SRP68: variants seen among roughly 807,000 people sequenced by gnomAD.
SRP68 encodes the protein signal recognition particle 68.
A neutral mutation model predicts 82.2 loss-of-function variants in SRP68; 15 were observed. The observed-to-expected ratio is 0.18, with a 90% CI of 0.12 to 0.28. The LOEUF (loss-of-function observed/expected upper bound fraction) is 0.28, where lower values mean the gene tolerates loss of function less well. SRP68 is among the 10% of genes least tolerant of loss of function. The pLI, the probability that SRP68 is intolerant of heterozygous loss-of-function variation, is 1.00. For missense variants in SRP68, 595 were observed against 780.5 expected, an observed-to-expected ratio of 0.76 and a Z score of 2.83; for synonymous variants, 261 against 292.6, an observed-to-expected ratio of 0.89 and a Z score of 1.10.
At position 76,040,480 on chromosome 17, in the gene SRP68, A is replaced by T; in HGVS notation, c.1601-6T>A. 1 of 1,613,578 alleles carries T rather than the reference A, an allele frequency of 6.2e-7. No individual in the cohort carries two copies. Among genetic ancestry groups the T allele is most frequent in the Non-Finnish European group, 8.5e-7 (1 of 1,179,564 alleles). On this transcript the variant is annotated splice_region_variant and splice_polypyrimidine_tract_variant and intron_variant, in intron 14 of 15. Coordinates refer to ENST00000307877, the MANE Select transcript of SRP68 (RefSeq NM_014230.4). ...TTGATGAGCGTCGTTTGCATCTGAA[A>T]GTTTCACAGGGATTCAGTAAGAACA...
In SRP68 at chr17:76,063,689, A is replaced by C. The variant is rs200857452; in HGVS notation, c.561+287T>G. On this transcript the variant is annotated intron_variant, in intron 4 of 15. Coordinates refer to ENST00000307877, the MANE Select transcript of SRP68 (RefSeq NM_014230.4). Reference sequence around the variant, plus strand: ...GGCGACAAAGCAAGACTCTGTCTGAAAAAAAAAAAAAAAAAAGTTACAGCT... The same window carrying C: ...GGCGACAAAGCAAGACTCTGTCTGACAAAAAAAAAAAAAAAAGTTACAGCT... Among the ~76,000 whole-genome samples the C allele has an allele frequency of 8.0e-3, 1,169 of 145,928 alleles. 19 individuals are homozygous for C. The highest frequency in any genetic ancestry group is 0.025 in the African/African-American group (994 of 39,876).
At chr17:76,047,032 C>T (rs938846529) in intron 10 of SRP68, among the ~76,000 whole-genome samples, 1 of 152,038 alleles carries the variant, frequency 6.6e-6, no homozygotes. Flanking sequence ...CACCTGAGCC[C>T]GGGAGGCAAA....
At chr17:76,068,078 T>A (rs948986251) in intron 2 of SRP68, among the ~76,000 whole-genome samples, 1 of 151,730 alleles carries the variant, frequency 6.6e-6, no homozygotes, top group Non-Finnish European at 1.5e-5. Flanking sequence ...GATCACTTGA[T>A]GTCAAGAGTT....
At chr17:76,059,921 C>T (rs1349617495) in intron 7 of SRP68, among the ~76,000 whole-genome samples, 33 of 150,844 alleles carry the variant, frequency 2.2e-4, no homozygotes, top group Non-Finnish European at 2.4e-4. Flanking sequence ...GTCAGGAGAT[C>T]GAGACCATCC....
chr17:76,069,162 C>T (rs1201587286), intron 2 of SRP68, among the ~76,000 whole-genome samples: 4 of 150,560 alleles, frequency 2.7e-5, no homozygotes, highest in South Asian at 2.1e-4. Flanking sequence ...CTGAGGCAGG[C>T]AGATCACTTG....
intron 4 of SRP68, 87 bp downstream of exon 4, chr17:76,063,889 C>A (rs532148871): frequency 8.1e-7 from 1 of 1,229,782 alleles, no homozygotes; most frequent in Non-Finnish European, 1.1e-6. Flanking sequence ...CACTTTCTAA[C>A]ACTAAGAAAC....
Position 76,048,123 on chromosome 17 carries a change from C to A in SRP68, c.1078-153G>T, listed in dbSNP as rs562381529. On this transcript the variant is annotated intron_variant, in intron 9 of 15. Transcript: ENST00000307877. Reference sequence around the variant, plus strand: ...TCAAATATCAAAGATCTATACTTGACATAATCTAGAATGACAGTGGCACTC... The same window carrying A: ...TCAAATATCAAAGATCTATACTTGAAATAATCTAGAATGACAGTGGCACTC... 2.7e-4 allele frequency: 100 copies of A among 375,082 alleles called. No homozygotes were observed. The highest frequency in any genetic ancestry group is 1.9e-3 in the African/African-American group (90 of 47,354). 23.2% of individuals were successfully genotyped at this position (375,082 alleles called of 1,614,324 possible). A position where few individuals can be genotyped will look rare whatever the true frequency, so the allele number is the denominator to read the frequency against.
chr17:76,042,231 T>C (rs2066596503), intron 13 of SRP68, among the ~76,000 whole-genome samples: 1 of 152,002 alleles, frequency 6.6e-6, no homozygotes, highest in Non-Finnish European at 1.5e-5. Context: ...ATACATGGAT[T>C]CCTTAGACCA....
intron 3 of SRP68, among the ~76,000 whole-genome samples, chr17:76,066,298 A>G (rs2066805655): frequency 6.6e-6 from 1 of 152,040 alleles, no homozygotes; most frequent in South Asian, 2.1e-4. Flanking sequence ...CTAAAAATAC[A>G]AAACTCAGCT....
chr17:76,063,985 T>C lies in SRP68; in HGVS notation c.552A>G (p.Leu184=). Residue 184 remains leucine, a synonymous_variant, in exon 4 of 16, where the codon TTA becomes TTG. Transcript: ENST00000307877. ...ATGTTGAGGTACTAACCTGAGCCTC[T>C]AATTTGGTCTTGGCATCCACGCGAT... ...ESNRVDAKTK[L]EAQAYTAYLS... is the part of the protein sequence containing the mutation. 1 of 1,613,676 alleles carries C rather than the reference T, an allele frequency of 6.2e-7. No individual in the cohort carries two copies. Among genetic ancestry groups the C allele is most frequent in the Non-Finnish European group, 8.5e-7 (1 of 1,179,654 alleles).
chr17:76,062,902 C>T (rs549849297), intron 4 of SRP68, among the ~76,000 whole-genome samples: 41 of 147,674 alleles, frequency 2.8e-4, no homozygotes, highest in Admixed American at 7.8e-4. Context: ...TCCTGAGTAG[C>T]TGGGACTACA....
chr17:76,061,504 A>G lies in SRP68; in HGVS notation c.632T>C (p.Phe211Ser), dbSNP rs748504706. ...CTATAGGACTTACTTGCATTTGTTA[A>G]AAGCCTCAATGGCAGCTTTCCATTC... ...HQEWKAAIEA[F>S]NKCKTIYEKL... Residue 211 changes from phenylalanine (F) to serine (S), a missense_variant, in exon 5 of 16, where the codon TTT (phenylalanine) becomes TCT (serine). By Grantham distance (155) the Phe-to-Ser change is radical (BLOSUM62 -2). This residue lies in a region of SRP68 where 495 missense variants were observed against 688.6 expected (regional missense o/e 0.72). Transcript: ENST00000307877. The G allele has an allele frequency of 2.5e-6, 4 of 1,613,730 alleles. No homozygotes were observed.
Position 76,043,832 on chromosome 17 carries a change from T to C in SRP68, c.1521A>G (p.Leu507=). The change falls in exon 13 of 16, where the codon CTA becomes CTG. Residue 507 remains leucine, a synonymous_variant. Transcript: ENST00000307877. ...NSDAGAFKNS[L]KDLPDVQELI... Reference sequence around the variant, plus strand: ...CAAGGAGAGGCCAACCTCTCACCTTTAGGCTGTTCTTGAAGGCGCCAGCAT... The same window carrying C: ...CAAGGAGAGGCCAACCTCTCACCTTCAGGCTGTTCTTGAAGGCGCCAGCAT... 1.2e-6 allele frequency: 2 copies of C among 1,601,228 alleles called. No homozygotes were observed. The highest frequency in any genetic ancestry group is 1.7e-6 in the Non-Finnish European group (2 of 1,176,282).
Position 76,039,396 on chromosome 17 carries a change from C to T in SRP68, c.*310G>A. Reference sequence around the variant, plus strand: ...GCCCCATCTGTGCCTGGTGTGGACTCCTGAACGCATTACTGACCAAAGGCA... The same window carrying T: ...GCCCCATCTGTGCCTGGTGTGGACTTCTGAACGCATTACTGACCAAAGGCA... On this transcript the variant is annotated 3_prime_UTR_variant, in exon 16 of 16. Transcript: ENST00000307877. The T allele has an allele frequency of 1.8e-6, 1 of 552,196 alleles. No homozygotes were observed. Among genetic ancestry groups the T allele is most frequent in the Non-Finnish European group, 3.5e-6 (1 of 289,462 alleles). 34.2% of individuals were successfully genotyped at this position (552,196 alleles called of 1,614,324 possible).
At chr17:76,058,415 C>T (rs2066727335) in intron 7 of SRP68, among the ~76,000 whole-genome samples, 1 of 151,984 alleles carries the variant, frequency 6.6e-6, no homozygotes, top group Non-Finnish European at 1.5e-5. Flanking sequence ...GCCACTGTGC[C>T]CAGCCTCTGA....
At chr17:76,065,887 G>A (rs1396063223) in intron 3 of SRP68, among the ~76,000 whole-genome samples, 1 of 151,360 alleles carries the variant, frequency 6.6e-6, no homozygotes, top group African/African-American at 2.4e-5. Context: ...GAGGTTCAAG[G>A]ACCATGCCTC....
At chr17:76,051,987 A>C (rs1255763087) in intron 8 of SRP68, among the ~76,000 whole-genome samples, 1 of 152,072 alleles carries the variant, frequency 6.6e-6, no homozygotes. Flanking sequence ...GTCTCACTGT[A>C]ACCACCGCCT....
At position 76,055,963 on chromosome 17, in the gene SRP68, C is replaced by T. The variant is rs1294194095; in HGVS notation, c.978+1440G>A. 5.3e-5 allele frequency among the ~76,000 whole-genome samples: 8 copies of T among 151,682 alleles called. No individual in the cohort carries two copies. In the East Asian group the frequency reaches 5.9e-4, roughly 11 times the overall value. On this transcript the variant is annotated intron_variant, in intron 8 of 15. Coordinates refer to ENST00000307877, the MANE Select transcript of SRP68 (RefSeq NM_014230.4). ...CTGGGACTACAGGTGCACGCCACCA[C>T]GCCCAGCTAAATTTTTTGGTACTTT...
chr17:76,060,074 C>T lies in SRP68; in HGVS notation c.837+234G>A, dbSNP rs138299611. Among the ~76,000 whole-genome samples the T allele has an allele frequency of 9.3e-3, 1,117 of 119,922 alleles. 8 individuals carry two copies. The highest frequency in any genetic ancestry group is 0.015 in the Admixed American group (122 of 8,054). 78.7% of individuals were successfully genotyped at this position (119,922 alleles called of 152,430 possible). On this transcript the variant is annotated intron_variant, in intron 7 of 15. Coordinates refer to ENST00000307877, the MANE Select transcript of SRP68 (RefSeq NM_014230.4). ...CTGGGAGGTGGAGCTTGCAGTAAGC[C>T]GAGATCGTGCCACCGCACTCCAGCC...
Sources: allele counts gnomAD v4.1 joint callset (sites outside exome capture counted in the v4.1 genomes callset), GRCh38; gene constraint gnomAD v4.1.1; regional missense constraint gnomAD v4.1.1; transcripts MANE v1.5; gene names NCBI Gene and HGNC (gene_info 2026-07-23, HGNC 2026-07-21).